The following ST6GALNAC1 variants were observed in gnomAD, a reference collection of about 807,000 sequenced individuals.
The protein encoded by ST6GALNAC1 is ST6 N-acetylgalactosaminide alpha-2,6-sialyltransferase 1.
A neutral mutation model predicts 56.8 loss-of-function variants in ST6GALNAC1; 45 were observed. The ratio of observed to expected loss-of-function variants is 0.79; its 90% CI spans 0.62 to 1.02. The LOEUF (loss-of-function observed/expected upper bound fraction) is 1.02. Ranked by LOEUF, ST6GALNAC1 falls within the 50% of genes least tolerant of loss-of-function variation. ST6GALNAC1 has a pLI of 0.00. For synonymous variants in ST6GALNAC1, 295 were observed against 297.8 expected, an observed-to-expected ratio of 0.99 and a Z score of 0.10; for missense variants, 743 against 754.8, an observed-to-expected ratio of 0.98 and a Z score of 0.18.
chr17:76,619,764 T>C (rs1598282110), downstream of ST6GALNAC1, among the ~76,000 whole-genome samples: 1 of 121,712 alleles, frequency 8.2e-6, no homozygotes, highest in Non-Finnish European at 1.8e-5. Flanking sequence ...TTTTTTTTTT[T>C]AGGCAGAGTC....
the ST6GALNAC1 span, among the ~76,000 whole-genome samples, chr17:76,618,179 G>A: frequency 1.3e-5 from 2 of 152,120 alleles, no homozygotes; most frequent in Non-Finnish European, 2.9e-5. Context: ...ATAAGCAGGT[G>A]GTTTCATCAG....
chr17:76,621,523 T>C (rs945282015), downstream of ST6GALNAC1, among the ~76,000 whole-genome samples: 3 of 151,908 alleles, frequency 2.0e-5, no homozygotes, highest in Non-Finnish European at 4.4e-5. Context: ...GTCACCAGGC[T>C]AGAGTGCAGT....
chr17:76,629,674 G>C lies in ST6GALNAC1; in HGVS notation c.169C>G (p.Gln57Glu), dbSNP rs755160138. 1.2e-6 allele frequency: 2 copies of C among 1,613,954 alleles called. No individual in the cohort carries two copies. Among genetic ancestry groups the C allele is most frequent in the South Asian group, 2.2e-5 (2 of 91,066 alleles). ...TGGGACTTAGGCTTTGCCAGGGACTGTAGAGACCTTTCTTTAATGTTCTCT... is the reference window on the plus strand; with the variant it reads ...TGGGACTTAGGCTTTGCCAGGGACTCTAGAGACCTTTCTTTAATGTTCTCT... Reference protein sequence around the residue: ...RTENIKERSLQSLAKPKSQAP... With the variant: ...RTENIKERSLESLAKPKSQAP... Residue 57 changes from glutamine to glutamate, a missense_variant, in exon 2 of 9, where the codon CAG becomes GAG. Transcript: ENST00000156626.
At chr17:76,641,479 A>G (rs189267088) in intron 1 of ST6GALNAC1, among the ~76,000 whole-genome samples, 6 of 152,368 alleles carry the variant, frequency 3.9e-5, no homozygotes, top group African/African-American at 1.2e-4. Context: ...CATTCATAGA[A>G]AAGTACAAAT....
chr17:76,634,429 T>C (rs1001517257), intron 1 of ST6GALNAC1, among the ~76,000 whole-genome samples: 1 of 152,182 alleles, frequency 6.6e-6, no homozygotes, highest in African/African-American at 2.4e-5. Flanking sequence ...TCCTGCCTCC[T>C]GTGCCCCACA....
At position 76,638,317 on chromosome 17, in the gene ST6GALNAC1, G is replaced by A. The variant is rs550687409; in HGVS notation, c.131+5191C>T. Among the ~76,000 whole-genome samples the A allele has an allele frequency of 2.4e-3, 363 of 152,218 alleles. 2 individuals are homozygous for A. Among genetic ancestry groups the A allele is most frequent in the Non-Finnish European group, 4.2e-3 (288 of 68,022 alleles). ...ACACATCACTGAACAAATGATGCAC[G>A]TGGGTGCGTCTTAAGATGATATGAG... On this transcript the variant is annotated intron_variant, in intron 1 of 8. Coordinates refer to ENST00000156626, the MANE Select transcript of ST6GALNAC1 (RefSeq NM_018414.5).
Position 76,627,270 on chromosome 17 carries a change from G to A in ST6GALNAC1, c.1001-32C>T, listed in dbSNP as rs754185260. 2 of 1,551,892 alleles carry A rather than the reference G, an allele frequency of 1.3e-6. No individual in the cohort carries two copies. The highest frequency in any genetic ancestry group is 2.3e-5 in the East Asian group (1 of 44,358). On this transcript the variant is annotated intron_variant, in intron 3 of 8. Coordinates refer to ENST00000156626, the MANE Select transcript of ST6GALNAC1 (RefSeq NM_018414.5). This position sits in a 1 kb window ranked among gnomAD's most constrained non-coding sequence, Gnocchi z 4.4. ...CAAGAGTGGGGGTGCTCCATTCAGA[G>A]CCCTGGGAGGGACAGGAGTCCGACC...
At chr17:76,633,714 G>A (rs1361178904) in intron 1 of ST6GALNAC1, 2 of 152,058 alleles carry the variant, frequency 1.3e-5, no homozygotes, top group African/African-American at 2.4e-5. Context: ...GGGCTCAAAC[G>A]AGTCTCCTGC....
intron 1 of ST6GALNAC1, among the ~76,000 whole-genome samples, chr17:76,639,092 C>G (rs2076013447): frequency 6.6e-6 from 1 of 152,212 alleles, no homozygotes; most frequent in Non-Finnish European, 1.5e-5. Context: ...AATCTATTGA[C>G]AGAGTACTCT....
At chr17:76,639,295 G>C (rs945615627) in intron 1 of ST6GALNAC1, among the ~76,000 whole-genome samples, 4 of 152,100 alleles carry the variant, frequency 2.6e-5, no homozygotes, top group Admixed American at 6.6e-5. Flanking sequence ...AGACAATGCC[G>C]GCCGGGTGCG....
chr17:76,620,765 T>C (rs1225220973), downstream of ST6GALNAC1, among the ~76,000 whole-genome samples: 1 of 151,974 alleles, frequency 6.6e-6, no homozygotes, highest in South Asian at 2.1e-4. Flanking sequence ...TTATTTTGTA[T>C]TTTTTGTAGA....
At chr17:76,633,630 C>A (rs1567958785) in intron 1 of ST6GALNAC1, 1 of 151,378 alleles carries the variant, frequency 6.6e-6, no homozygotes, top group Non-Finnish European at 1.5e-5. Flanking sequence ...TATATATTTT[C>A]TTTTTTTTTG....
At chr17:76,639,696 C>T (rs1049076873) in intron 1 of ST6GALNAC1, among the ~76,000 whole-genome samples, 2 of 129,988 alleles carry the variant, frequency 1.5e-5, no homozygotes, top group African/African-American at 2.9e-5. Context: ...CACACACACA[C>T]TAGGTGTTCT....
downstream of ST6GALNAC1, among the ~76,000 whole-genome samples, chr17:76,622,502 C>T (rs2075751894): frequency 6.6e-6 from 1 of 151,678 alleles, no homozygotes; most frequent in Non-Finnish European, 1.5e-5. Flanking sequence ...GTAGCTGGGA[C>T]TACAGGTGCA....
intron 1 of ST6GALNAC1, chr17:76,641,737 A>T (rs1311423915): frequency 6.6e-6 from 1 of 152,136 alleles, no homozygotes; most frequent in African/African-American, 2.4e-5. Flanking sequence ...ATCTACCCGG[A>T]AATCACTTAC....
downstream of ST6GALNAC1, among the ~76,000 whole-genome samples, chr17:76,621,183 T>TGTC (rs1567948785): frequency 1.4e-4 from 3 of 20,854 alleles, no homozygotes; most frequent in Non-Finnish European, 2.8e-4. Context: ...TCTTTCTTTC[T>TGTC]TTCTTTTTTT....
At chr17:76,629,776 G>GT (rs1281716277) in intron 1 of ST6GALNAC1, 65 bp from the exon 2 acceptor site, 548 of 784,208 alleles carry the variant, frequency 7.0e-4, no homozygotes, top group Middle Eastern at 1.3e-3. Flanking sequence ...AGCATAAGTA[G>GT]TTTTTTGTTT....
the ST6GALNAC1 span, among the ~76,000 whole-genome samples, chr17:76,617,623 T>G: frequency 6.6e-6 from 1 of 152,004 alleles, no homozygotes; most frequent in Non-Finnish European, 1.5e-5. Context: ...TTTTTAAAAA[T>G]TATCAGGTGT....
rs555113914 is a variant in ST6GALNAC1, at chr17:76,634,499, C to T, written c.132-4788G>A. ...TGGTGTCCACGAGGGCTATTCCAGC[C>T]TCCTTTTGGTATTTGATCAGTTCTT... On this transcript the variant is annotated intron_variant, in intron 1 of 8. Coordinates refer to ENST00000156626, the MANE Select transcript of ST6GALNAC1 (RefSeq NM_018414.5). Among the ~76,000 whole-genome samples, 62 of 152,216 alleles carry T rather than the reference C, an allele frequency of 4.1e-4. 1 individual carries two copies. In the South Asian group the frequency reaches 0.012, roughly 29 times the overall value.
Sources: gnomAD v4.1 joint callset for allele counts (sites outside exome capture counted in the v4.1 genomes callset) on GRCh38, gnomAD v4.1.1 for gene constraint, Gnocchi (gnomAD v3.1) non-coding constraint, MANE v1.5 for transcripts, NCBI Gene and HGNC (gene_info 2026-07-23, HGNC 2026-07-21) for gene names.